B3GNT7: variants seen among roughly 807,000 people sequenced by gnomAD.
B3GNT7 encodes BGnT-7.
A neutral mutation model predicts 5.1 loss-of-function variants in B3GNT7; 9 were observed. The ratio of observed to expected loss-of-function variants is 1.77; its 90% CI spans 1.07 to 3.09. The LOEUF (loss-of-function observed/expected upper bound fraction) is 3.09, where lower values mean the gene tolerates loss of function less well. B3GNT7 is among the 30% of genes most tolerant of loss of function. B3GNT7 has a pLI of 0.00. For missense variants in B3GNT7, 468 were observed against 550.8 expected (o/e 0.85, Z 1.50); for synonymous variants, 253 against 248.6 (o/e 1.02, Z -0.17).
At position 231,400,075 on chromosome 2, in the gene B3GNT7, A is replaced by G. The variant is rs1291686464; in HGVS notation, c.*1150A>G. 4.2e-5 allele frequency: 3 copies of G among 71,514 alleles called. No individual in the cohort carries two copies. The Admixed American group carries it at 4.5e-4, about 11-fold the overall frequency. 4.4% of individuals were successfully genotyped at this position (71,514 alleles called of 1,614,324 possible). Reference sequence around the variant, plus strand: ...TAGGAAAGATGGAGGGATTGACACTATTTTCTCAATAAAATGGGACTTTTT... The same window carrying G: ...TAGGAAAGATGGAGGGATTGACACTGTTTTCTCAATAAAATGGGACTTTTT... On this transcript the variant is annotated 3_prime_UTR_variant, in exon 2 of 2. Coordinates refer to ENST00000287590, the MANE Select transcript of B3GNT7 (RefSeq NM_145236.3).
chr2:231,395,825 C>CG lies in B3GNT7; in HGVS notation c.11+11_11+12insG. On this transcript the variant is annotated intron_variant, in intron 1 of 1. Transcript: ENST00000287590. This position sits in a 1 kb window ranked among gnomAD's most constrained non-coding sequence, Gnocchi z 7.3. ...CGCCATGTCGCTGTGGTGAGTGGGGCTGGGGGCCGTCGGGGGCCTGGGCGG... is the reference window on the plus strand; with the variant it reads ...CGCCATGTCGCTGTGGTGAGTGGGGCGTGGGGGCCGTCGGGGGCCTGGGCGG... The CG allele has an allele frequency of 1.7e-6, 2 of 1,154,930 alleles. No homozygotes were observed. Among genetic ancestry groups the CG allele is most frequent in the Non-Finnish European group, 1.1e-6 (1 of 937,394 alleles). 71.5% of individuals were successfully genotyped at this position (1,154,930 alleles called of 1,614,324 possible).
At chr2:231,397,668 G>A (rs2046526263) in intron 1 of B3GNT7, 63 bp from the exon 2 acceptor site, 7 of 1,462,700 alleles carry the variant, frequency 4.8e-6, no homozygotes, top group Non-Finnish European at 5.5e-6. Context: ...CCCAAGGGGG[G>A]CGCCAGGAGA....
At position 231,397,969 on chromosome 2, in the gene B3GNT7, G is replaced by A. The variant is rs766981564; in HGVS notation, c.250G>A (p.Val84Met). Reference protein sequence around the residue: ...MASQGPQAWDVTTTNCSANIN... With the variant: ...MASQGPQAWDMTTTNCSANIN... ...CTCTCAGGGGCCCCAGGCCTGGGAC[G>A]TGACCACCACTAACTGCTCAGCCAA... is the stretch of plus-strand genomic sequence containing the variant. Residue 84 changes from valine to methionine, a missense_variant, in exon 2 of 2, where the codon GTG becomes ATG. Physicochemically the swap from Val to Met is conservative, Grantham distance 21. Coordinates refer to ENST00000287590, the MANE Select transcript of B3GNT7 (RefSeq NM_145236.3). 2.5e-6 allele frequency: 4 copies of A among 1,612,124 alleles called. No homozygotes were observed. Among genetic ancestry groups the A allele is most frequent in the African/African-American group, 1.3e-5 (1 of 74,934 alleles).
chr2:231,397,093 TG>T (rs2046522058), intron 1 of B3GNT7: 1 of 692,774 alleles, frequency 1.4e-6, no homozygotes, highest in East Asian at 1.3e-4. Flanking sequence ...GGCTGCTCTT[TG>T]TTGGGTGAGA....
intron 1 of B3GNT7, among the ~76,000 whole-genome samples, chr2:231,396,593 C>A (rs1261391901): frequency 6.6e-6 from 1 of 152,224 alleles, no homozygotes; most frequent in East Asian, 1.9e-4. Context: ...GCCCTCAGGG[C>A]AACCCAGGCG....
rs765903072 is a variant in B3GNT7 at position 231,398,045 on chromosome 2, G to A, written c.326G>A (p.Arg109Gln). The stretch of plus-strand genomic sequence containing the variant: ...TTCCAGGTCCTGGAGCCGCAGTTCC[G>A]GCAGTTTCTCTTCTACCGCCACTGC... Reference protein sequence around the residue: ...PWFQVLEPQFRQFLFYRHCRY... With the variant: ...PWFQVLEPQFQQFLFYRHCRY... Residue 109 changes from arginine to glutamine, a missense_variant, in exon 2 of 2, where the codon CGG becomes CAG. Physicochemically the swap from Arg to Gln is conservative, Grantham distance 43. Coordinates refer to ENST00000287590, the MANE Select transcript of B3GNT7 (RefSeq NM_145236.3). The A allele has an allele frequency of 1.7e-5, 27 of 1,610,020 alleles. No homozygotes were observed. Among genetic ancestry groups the A allele is most frequent in the Non-Finnish European group, 2.0e-5 (24 of 1,179,880 alleles).
chr2:231,398,969 G>T lies in B3GNT7; in HGVS notation c.*44G>T. The T allele has an allele frequency of 6.7e-7, 1 of 1,494,166 alleles. No homozygotes were observed. Among genetic ancestry groups the T allele is most frequent in the Non-Finnish European group, 9.0e-7 (1 of 1,116,296 alleles). The allele number at this position is 1,494,166 out of a possible 1,614,324, so 92.6% of individuals were successfully genotyped here. On this transcript the variant is annotated 3_prime_UTR_variant, in exon 2 of 2. Transcript: ENST00000287590. ...GACAGGCCAGGGCACTTGCTCCTGA[G>T]CCCCCATGGTATTGGGGCTGGAGCC...
At position 231,398,489 on chromosome 2, in the gene B3GNT7, G is replaced by C. The variant is rs748003159; in HGVS notation, c.770G>C (p.Arg257Pro). The change falls in exon 2 of 2, where the codon CGG becomes CCG. Residue 257 changes from arginine (R) to proline (P), a missense_variant. Arg to Pro is a moderately radical substitution (Grantham distance 103). Coordinates refer to ENST00000287590, the MANE Select transcript of B3GNT7 (RefSeq NM_145236.3). Reference sequence around the variant, plus strand: ...AACCTGCTAGAATTTCTGGCTGACCGGCAGCCACAGGAAAACCTGTTCGTG... The same window carrying C: ...AACCTGCTAGAATTTCTGGCTGACCCGCAGCCACAGGAAAACCTGTTCGTG... ...PTNLLEFLAD[R>P]QPQENLFVGD... 6.2e-7 allele frequency: 1 copy of C among 1,613,662 alleles called. No individual in the cohort carries two copies. The highest frequency in any genetic ancestry group is 1.1e-5 in the South Asian group (1 of 91,082).
rs1330507238 is a variant in B3GNT7, at chr2:231,395,843, C to A, written c.11+29C>A. 1 of 1,155,490 alleles carries A rather than the reference C, an allele frequency of 8.7e-7. No individual in the cohort carries two copies. Among genetic ancestry groups the A allele is most frequent in the Non-Finnish European group, 1.1e-6 (1 of 937,362 alleles). The allele number at this position is 1,155,490 out of a possible 1,614,324, so 71.6% of individuals were successfully genotyped here. A position where few individuals can be genotyped will look rare whatever the true frequency, so the allele number is the denominator to read the frequency against. On this transcript the variant is annotated intron_variant, in intron 1 of 1. Transcript: ENST00000287590. The surrounding 1 kb of genome is among the most constrained non-coding windows in gnomAD (Gnocchi z 7.3). ...AGTGGGGCTGGGGGCCGTCGGGGGC[C>A]TGGGCGGGGGCGTGGGCCCGGGGCT...
In B3GNT7 at chr2:231,398,952, A is replaced by G. The variant is rs756234560; in HGVS notation, c.*27A>G. On this transcript the variant is annotated 3_prime_UTR_variant, in exon 2 of 2. Coordinates refer to ENST00000287590, the MANE Select transcript of B3GNT7 (RefSeq NM_145236.3). The stretch of plus-strand genomic sequence containing the variant: ...CCCAGCCGGGCTACTAGGACAGGCC[A>G]GGGCACTTGCTCCTGAGCCCCCATG... The G allele has an allele frequency of 6.5e-7, 1 of 1,527,572 alleles. No individual in the cohort carries two copies. The highest frequency in any genetic ancestry group is 8.8e-7 in the Non-Finnish European group (1 of 1,139,724). 94.6% of individuals were successfully genotyped at this position (1,527,572 alleles called of 1,614,324 possible). A position where few individuals can be genotyped will look rare whatever the true frequency, so the allele number is the denominator to read the frequency against.
rs1396017692 is a variant in B3GNT7, at chr2:231,399,242, C to T, written c.*317C>T. 10 of 391,436 alleles carry T rather than the reference C, an allele frequency of 2.6e-5. No individual in the cohort carries two copies. The highest frequency in any genetic ancestry group is 4.7e-5 in the Non-Finnish European group (10 of 214,794). 24.2% of individuals were successfully genotyped at this position (391,436 alleles called of 1,614,324 possible). On this transcript the variant is annotated 3_prime_UTR_variant, in exon 2 of 2. Coordinates refer to ENST00000287590, the MANE Select transcript of B3GNT7 (RefSeq NM_145236.3). ...GGCCCCCTCAGATGTGGTGGGAGGT[C>T]CTGGTGACCTCTGGAGGAACGCTGT...
Position 231,398,661 on chromosome 2 carries a change from C to G in B3GNT7, c.942C>G (p.His314Gln), listed in dbSNP as rs1224906925. ...CCGGCAGCCTGGCCCGGCGCCTGCA[C>G]CATGCCTGCGACACCCTGGAGCTCT... The part of the protein sequence containing the change: ...LMAGSLARRL[H>Q]HACDTLELYP... Residue 314 changes from histidine to glutamine, a missense_variant, in exon 2 of 2, where the codon CAC becomes CAG. By Grantham distance (24) the His-to-Gln change is conservative. Transcript: ENST00000287590. 6.2e-7 allele frequency: 1 copy of G among 1,612,236 alleles called. No individual in the cohort carries two copies. Among genetic ancestry groups the G allele is most frequent in the Admixed American group, 1.7e-5 (1 of 59,996 alleles).
In B3GNT7 at chr2:231,398,463, C is replaced by T; in HGVS notation, c.744C>T (p.Thr248=). ...KGDDDVFVNP[T]NLLEFLADRQ... is the part of the protein sequence containing the mutation. ...ACGATGACGTCTTCGTCAACCCCAC[C>T]AACCTGCTAGAATTTCTGGCTGACC... Residue 248 remains threonine, a synonymous_variant, in exon 2 of 2, where the codon ACC becomes ACT. Transcript: ENST00000287590. The T allele has an allele frequency of 6.2e-7, 1 of 1,613,756 alleles. No homozygotes were observed. Among genetic ancestry groups the T allele is most frequent in the Admixed American group, 1.7e-5 (1 of 60,028 alleles).
In B3GNT7 at chr2:231,398,928, C is replaced by G. The variant is rs368886748; in HGVS notation, c.*3C>G. ...CCCGCAAGCTCCAGGTGCTCTGACCCCAGCCGGGCTACTAGGACAGGCCAG... is the reference window on the plus strand; with the variant it reads ...CCCGCAAGCTCCAGGTGCTCTGACCGCAGCCGGGCTACTAGGACAGGCCAG... On this transcript the variant is annotated 3_prime_UTR_variant, in exon 2 of 2. Coordinates refer to ENST00000287590, the MANE Select transcript of B3GNT7 (RefSeq NM_145236.3). 4.4e-5 allele frequency: 69 copies of G among 1,562,894 alleles called. 1 individual carries two copies. In the East Asian group the frequency reaches 1.5e-3, roughly 35 times the overall value.
intron 1 of B3GNT7, among the ~76,000 whole-genome samples, chr2:231,396,511 C>A (rs2046515639): frequency 6.6e-6 from 1 of 152,214 alleles, no homozygotes; most frequent in African/African-American, 2.4e-5. Context: ...ACCTGGGGAC[C>A]CTATGGGGAA....
In B3GNT7 at chr2:231,400,752, C is replaced by T. The variant is rs3207325; in HGVS notation, c.*1827C>T. On this transcript the variant is annotated 3_prime_UTR_variant, in exon 2 of 2. Coordinates refer to ENST00000287590, the MANE Select transcript of B3GNT7 (RefSeq NM_145236.3). Reference sequence around the variant, plus strand: ...CCACTTCTCCTGTTGTCCTTCCCAGCTTCTCCCCAACCTCCCCTTTTCCCT... The same window carrying T: ...CCACTTCTCCTGTTGTCCTTCCCAGTTTCTCCCCAACCTCCCCTTTTCCCT... 1 of 152,232 alleles carries T rather than the reference C, an allele frequency of 6.6e-6. No individual in the cohort carries two copies. Among genetic ancestry groups the T allele is most frequent in the Non-Finnish European group, 1.5e-5 (1 of 68,054 alleles). The allele number at this position is 152,232 out of a possible 1,614,324, so 9.4% of individuals were successfully genotyped here. A position where few individuals can be genotyped will look rare whatever the true frequency, so the allele number is the denominator to read the frequency against.
In B3GNT7 at chr2:231,396,013, C is replaced by A. The variant is rs557076407; in HGVS notation, c.11+199C>A. On this transcript the variant is annotated intron_variant, in intron 1 of 1. Coordinates refer to ENST00000287590, the MANE Select transcript of B3GNT7 (RefSeq NM_145236.3). ...GCGGGAGATGTTCGCGGTACGCGGC[C>A]CCGGACCCGTGGGGGACGTCGAGGG... is the stretch of plus-strand genomic sequence containing the variant. Among the ~76,000 whole-genome samples, 241 of 151,962 alleles carry A rather than the reference C, an allele frequency of 1.6e-3. 2 individuals carry two copies. Among genetic ancestry groups the A allele is most frequent in the Non-Finnish European group, 2.7e-3 (186 of 67,874 alleles).
At chr2:231,397,402 A>C in intron 1 of B3GNT7, 1 of 368,428 alleles carries the variant, frequency 2.7e-6, no homozygotes, top group Non-Finnish European at 4.2e-6. Context: ...GCTGCCTGGT[A>C]CTTTATATAG....
rs202096056 is a variant in B3GNT7 at position 231,398,320 on chromosome 2, G to A, written c.601G>A (p.Gly201Ser). 9.6e-4 allele frequency: 1,554 copies of A among 1,613,404 alleles called. 4 individuals are homozygous for A. Among genetic ancestry groups the A allele is most frequent in the Non-Finnish European group, 8.2e-4 (970 of 1,179,878 alleles). Reference protein sequence around the residue: ...QLLAYEDRLYGDILQWGFLDT... With the variant: ...QLLAYEDRLYSDILQWGFLDT... The stretch of plus-strand genomic sequence containing the variant: ...GCTGGCCTACGAAGACCGCCTCTAC[G>A]GCGACATCCTGCAGTGGGGCTTTCT... The change falls in exon 2 of 2, where the codon GGC becomes AGC. Residue 201 changes from glycine (G) to serine (S), a missense_variant. Gly to Ser is a moderately conservative substitution (Grantham distance 56, BLOSUM62 0). Transcript: ENST00000287590.
Sources: gnomAD v4.1 joint callset for allele counts (sites outside exome capture counted in the v4.1 genomes callset) on GRCh38, gnomAD v4.1.1 for gene constraint, Gnocchi (gnomAD v3.1) non-coding constraint, MANE v1.5 for transcripts, NCBI Gene and HGNC (gene_info 2026-07-23, HGNC 2026-07-21) for gene names.